Variants in AGBL1 observed in about 807,000 individuals in gnomAD.
The protein encoded by AGBL1 is cytosolic carboxypeptidase 4.
AGBL1 carries 130 observed loss-of-function variants against 118.9 expected under a neutral mutation model. The observed-to-expected ratio is 1.09, with a 90% CI of 0.95 to 1.26. The LOEUF (loss-of-function observed/expected upper bound fraction) is 1.26, where lower values mean the gene tolerates loss of function less well. Ranked by LOEUF, AGBL1 falls within the 50% of genes most tolerant of loss-of-function variation. The pLI, the probability that AGBL1 is intolerant of heterozygous loss-of-function variation, is 0.00. For missense variants in AGBL1, 1,584 were observed against 1,298.1 expected (o/e 1.22, Z -3.38); for synonymous variants, 555 against 478.9 (o/e 1.16, Z -2.08).
At chr15:86,215,002 C>T (rs1176942973) in intron 5 of AGBL1, among the ~76,000 whole-genome samples, 4 of 152,136 alleles carry the variant, frequency 2.6e-5, no homozygotes, top group Admixed American at 1.3e-4. Flanking sequence ...TTCTTTGTTT[C>T]CAAAGAAAAA....
At chr15:86,839,359 C>A (rs902542752) in intron 22 of AGBL1, among the ~76,000 whole-genome samples, 1 of 152,160 alleles carries the variant, frequency 6.6e-6, no homozygotes. Context: ...TCATCAAATC[C>A]TATTCTTACT....
chr15:86,148,625 T>C (rs1485444564), intron 3 of AGBL1, among the ~76,000 whole-genome samples: 1 of 152,138 alleles, frequency 6.6e-6, no homozygotes, highest in Non-Finnish European at 1.5e-5. Flanking sequence ...TATGGGACTA[T>C]GTGAAAATAC....
intron 21 of AGBL1, among the ~76,000 whole-genome samples, chr15:86,646,080 T>C (rs1395670585): frequency 6.6e-6 from 1 of 152,206 alleles, no homozygotes; most frequent in African/African-American, 2.4e-5. Flanking sequence ...TCTTGGCGTG[T>C]AGCAGAATAT....
At chr15:86,421,467 A>G (rs2081788693) in intron 18 of AGBL1, among the ~76,000 whole-genome samples, 1 of 152,230 alleles carries the variant, frequency 6.6e-6, no homozygotes, top group Admixed American at 6.5e-5. Flanking sequence ...CTAAATATGG[A>G]AAGGAAAAAC....
In AGBL1 at chr15:86,157,682, A is replaced by C. The variant is rs544652139; in HGVS notation, c.395-1251A>C. ...GAGTTCAAGAAGCCTGCGGATTACT[A>C]TCTTTTCCGTCAATTGTTAGCCACT... On this transcript the variant is annotated intron_variant, in intron 4 of 22. Coordinates refer to ENST00000614907, the MANE Select transcript of AGBL1 (RefSeq NM_001386094.1). 2.0e-5 allele frequency among the ~76,000 whole-genome samples: 3 copies of C among 152,280 alleles called. No homozygotes were observed. The South Asian group carries it at 6.2e-4, about 32-fold the overall frequency.
At chr15:86,820,641 A>G (rs1328730966) in intron 22 of AGBL1, among the ~76,000 whole-genome samples, 1 of 152,224 alleles carries the variant, frequency 6.6e-6, no homozygotes, top group Admixed American at 6.5e-5. Flanking sequence ...ATACCATCTC[A>G]TGCCAGTTAG....
At chr15:86,870,903 AT>A (rs1373656538) in intron 22 of AGBL1, among the ~76,000 whole-genome samples, 2 of 152,156 alleles carry the variant, frequency 1.3e-5, no homozygotes, top group African/African-American at 4.8e-5. Context: ...TCCAAACAAA[AT>A]TTTAGCTCAA....
intron 24 of AGBL1, chr15:86,988,176 C>A (rs984441441): frequency 6.7e-7 from 1 of 1,483,766 alleles, no homozygotes. Flanking sequence ...TGGGACTGGA[C>A]AAAGAGAAAG....
At chr15:87,026,408 T>A (rs559297466) in intron 24 of AGBL1, among the ~76,000 whole-genome samples, 4 of 152,170 alleles carry the variant, frequency 2.6e-5, no homozygotes, top group Admixed American at 2.0e-4. Context: ...TCAACATGAC[T>A]AATGATCAGG....
At chr15:86,739,793 C>CT (rs1292425103) in intron 22 of AGBL1, among the ~76,000 whole-genome samples, 5 of 152,134 alleles carry the variant, frequency 3.3e-5, no homozygotes, top group African/African-American at 4.8e-5. Context: ...ATTTTCACTC[C>CT]TTAAACAGCA....
At chr15:86,702,031 T>G (rs1271826784) in intron 22 of AGBL1, among the ~76,000 whole-genome samples, 2 of 150,948 alleles carry the variant, frequency 1.3e-5, no homozygotes, top group African/African-American at 2.4e-5. Context: ...CTCTCCTCTT[T>G]TCTTCTCTTC....
chr15:87,022,403 C>CAAAG (rs1160610313), intron 24 of AGBL1, among the ~76,000 whole-genome samples: 1 of 151,604 alleles, frequency 6.6e-6, no homozygotes, highest in Non-Finnish European at 1.5e-5. Flanking sequence ...CCAACGAAGA[C>CAAAG]AAAGAAAAAA....
rs2084706502 is a variant in AGBL1 at position 86,615,335 on chromosome 15, G to T, written c.2995-58938G>T. Among the ~76,000 whole-genome samples the T allele has an allele frequency of 6.6e-6, 1 of 152,296 alleles. No homozygotes were observed. The highest frequency in any genetic ancestry group is 2.4e-5 in the African/African-American group (1 of 41,558). On this transcript the variant is annotated intron_variant, in intron 21 of 22. Coordinates refer to ENST00000614907, the MANE Select transcript of AGBL1 (RefSeq NM_001386094.1). This position sits in a 1 kb window ranked among gnomAD's most constrained non-coding sequence, Gnocchi z 4.3. ...GTGGTAAAGACTAGAGTGGAGGAAT[G>T]GGATATGGGAACACATCTGAGAGCT... is the stretch of plus-strand genomic sequence containing the variant.
At chr15:86,272,592 AC>A (rs1245451130) in intron 15 of AGBL1, among the ~76,000 whole-genome samples, 1 of 152,172 alleles carries the variant, frequency 6.6e-6, no homozygotes, top group East Asian at 1.9e-4. Context: ...CAGAGTATAT[AC>A]CCTTATGCCT....
intron 23 of AGBL1, among the ~76,000 whole-genome samples, chr15:86,930,909 T>A (rs1382663664): frequency 6.6e-6 from 1 of 152,128 alleles, no homozygotes; most frequent in Non-Finnish European, 1.5e-5. Context: ...GATGTCTGAT[T>A]CCCTATAGAA....
intron 22 of AGBL1, among the ~76,000 whole-genome samples, chr15:86,851,593 A>G (rs1033852215): frequency 1.7e-4 from 26 of 152,194 alleles, no homozygotes; most frequent in African/African-American, 6.0e-4. Context: ...AAATCTGCAA[A>G]GATTAGTTCT....
At chr15:87,026,857 A>T (rs2081732468) in intron 24 of AGBL1, among the ~76,000 whole-genome samples, 1 of 152,062 alleles carries the variant, frequency 6.6e-6, no homozygotes, top group Admixed American at 6.6e-5. Context: ...GAGACTGGGG[A>T]CTATGATTTG....
chr15:86,226,418 G>A (rs1422395284), intron 6 of AGBL1, among the ~76,000 whole-genome samples: 1 of 152,178 alleles, frequency 6.6e-6, no homozygotes, highest in Non-Finnish European at 1.5e-5. Flanking sequence ...GCCTTGGCAT[G>A]GAGGACTTGA....
At chr15:86,711,066 G>A (rs1596393609) in intron 22 of AGBL1, among the ~76,000 whole-genome samples, 3 of 152,132 alleles carry the variant, frequency 2.0e-5, no homozygotes, top group South Asian at 4.1e-4. Flanking sequence ...TGATCACATA[G>A]GACTCTAGGG....
Sources: allele counts gnomAD v4.1 joint callset (sites outside exome capture counted in the v4.1 genomes callset), GRCh38; gene constraint gnomAD v4.1.1; non-coding constraint Gnocchi (gnomAD v3.1); transcripts MANE v1.5; gene names NCBI Gene and HGNC (gene_info 2026-07-23, HGNC 2026-07-21).